The following CRTC3 variants were observed in gnomAD, a reference collection of about 807,000 sequenced individuals.
CRTC3 encodes the protein CREB regulated transcription coactivator 3, also known as CREB-regulated transcription coactivator 3.
A neutral mutation model predicts 74.5 loss-of-function variants in CRTC3; 26 were observed. The observed-to-expected ratio is 0.35, with a 90% confidence interval of 0.26 to 0.48. CRTC3 has a LOEUF of 0.48. Among genes scored for constraint, CRTC3 ranks in the 20% least tolerant of loss-of-function variants. CRTC3 has a pLI of 0.99. For synonymous variants in CRTC3, 377 were observed against 325.8 expected (o/e 1.16, Z -1.69); for missense variants, 760 against 787.3 (o/e 0.97, Z 0.41).
intron 6 of CRTC3, among the ~76,000 whole-genome samples, chr15:90,609,314 C>G (rs1968303520): frequency 6.6e-6 from 1 of 152,158 alleles, no homozygotes; most frequent in Non-Finnish European, 1.5e-5. Context: ...GCACTGCTCA[C>G]TGCTTAGAGG....
intron 2 of CRTC3, among the ~76,000 whole-genome samples, chr15:90,541,843 T>C (rs1231451772): frequency 1.4e-5 from 2 of 141,184 alleles, no homozygotes; most frequent in Non-Finnish European, 3.0e-5. Context: ...AGGAGTGCAG[T>C]AGTGCAATCT....
At chr15:90,630,608 G>A (rs1458133504) in intron 11 of CRTC3, among the ~76,000 whole-genome samples, 1 of 152,104 alleles carries the variant, frequency 6.6e-6, no homozygotes, top group Non-Finnish European at 1.5e-5. Flanking sequence ...GTGAGACCCT[G>A]TCTCAAAAGA....
intron 7 of CRTC3, among the ~76,000 whole-genome samples, chr15:90,616,710 T>C (rs1423586647): frequency 6.6e-6 from 1 of 152,208 alleles, no homozygotes; most frequent in African/African-American, 2.4e-5. Flanking sequence ...TAAAAAGTAT[T>C]TACTTGTTCT....
At chr15:90,580,426 C>CTTT (rs1045691133) in intron 2 of CRTC3, among the ~76,000 whole-genome samples, 2 of 143,018 alleles carry the variant, frequency 1.4e-5, no homozygotes, top group Non-Finnish European at 3.1e-5. Context: ...TCTTCTTCTT[C>CTTT]TTTTTTTTTT....
intron 2 of CRTC3, among the ~76,000 whole-genome samples, chr15:90,567,130 G>A (rs777809497): frequency 1.3e-5 from 2 of 152,072 alleles, no homozygotes; most frequent in Non-Finnish European, 2.9e-5. Flanking sequence ...TAATGCAGCT[G>A]GTGACTTGAA....
chr15:90,637,696 A>G (rs1243002679), intron 11 of CRTC3, among the ~76,000 whole-genome samples: 2 of 152,152 alleles, frequency 1.3e-5, no homozygotes, highest in Non-Finnish European at 2.9e-5. Flanking sequence ...GGTGGGGGCC[A>G]GTGCGCAGAA....
chr15:90,587,274 C>T (rs1359343964), intron 2 of CRTC3, among the ~76,000 whole-genome samples: 1 of 152,184 alleles, frequency 6.6e-6, no homozygotes, highest in Non-Finnish European at 1.5e-5. Flanking sequence ...TGGGGAAGTA[C>T]TCCGGGAGTA....
intron 11 of CRTC3, among the ~76,000 whole-genome samples, chr15:90,632,425 A>G (rs1969072598): frequency 1.3e-5 from 2 of 152,128 alleles, no homozygotes; most frequent in African/African-American, 4.8e-5. Flanking sequence ...GTGACACCCT[A>G]TCTATCTCTT....
Position 90,579,712 on chromosome 15 carries a change from G to C in CRTC3, c.232-13924G>C, listed in dbSNP as rs189733950. Among the ~76,000 whole-genome samples, 27 of 140,200 alleles carry C rather than the reference G, an allele frequency of 1.9e-4. No individual in the cohort carries two copies. In the East Asian group the frequency reaches 5.6e-3, roughly 29 times the overall value. The allele number at this position is 140,200 out of a possible 152,430, so 92.0% of individuals were successfully genotyped here. ...GCTGGAGTGCAATGGCACAATCTTG[G>C]CTCACTGCAACCTCTGCCTCCTGGG... On this transcript the variant is annotated intron_variant, in intron 2 of 14. Transcript: ENST00000268184.
intron 2 of CRTC3, among the ~76,000 whole-genome samples, chr15:90,587,665 G>A (rs1199812119): frequency 6.6e-6 from 1 of 152,164 alleles, no homozygotes; most frequent in Non-Finnish European, 1.5e-5. Flanking sequence ...CCAGTCTGGA[G>A]TGTAGTGGCA....
chr15:90,589,815 A>G (rs1453536384), intron 2 of CRTC3, among the ~76,000 whole-genome samples: 1 of 147,340 alleles, frequency 6.8e-6, no homozygotes, highest in African/African-American at 2.5e-5. Flanking sequence ...GGTGAAACCC[A>G]GTCTCTACTA....
chr15:90,584,826 C>T (rs1336894273), intron 2 of CRTC3, among the ~76,000 whole-genome samples: 1 of 152,128 alleles, frequency 6.6e-6, no homozygotes, highest in East Asian at 1.9e-4. Context: ...GTCTCCTCTC[C>T]TACCCAAGCT....
At chr15:90,621,762 CAGG>C (rs1316067131) in intron 9 of CRTC3, among the ~76,000 whole-genome samples, 4 of 152,290 alleles carry the variant, frequency 2.6e-5, no homozygotes, top group Admixed American at 2.0e-4. Flanking sequence ...AGTTTTAAAG[CAGG>C]TGTTTCTTAG....
intron 2 of CRTC3, among the ~76,000 whole-genome samples, chr15:90,544,429 A>C (rs1416880290): frequency 6.6e-6 from 1 of 152,230 alleles, no homozygotes; most frequent in Non-Finnish European, 1.5e-5. Context: ...GGACTTGAAG[A>C]TATCTCTTTT....
rs914222206 is a variant in CRTC3, at chr15:90,530,499, G to C, written c.132+296G>C. 6.5e-6 allele frequency: 1 copy of C among 152,746 alleles called. No individual in the cohort carries two copies. Among genetic ancestry groups the C allele is most frequent in the Admixed American group, 6.5e-5 (1 of 15,292 alleles). 9.5% of individuals were successfully genotyped at this position (152,746 alleles called of 1,614,324 possible). On this transcript the variant is annotated intron_variant, in intron 1 of 14. Coordinates refer to ENST00000268184, the MANE Select transcript of CRTC3 (RefSeq NM_022769.5). This position sits in a 1 kb window ranked among gnomAD's most constrained non-coding sequence, Gnocchi z 6.2. The stretch of plus-strand genomic sequence containing the variant: ...GGCGGCCGTGCGAGGGCGGCCTGAG[G>C]GGGAGGAGGACGAGGAGCCCCGAGA...
chr15:90,544,351 C>T (rs1255997112), intron 2 of CRTC3, among the ~76,000 whole-genome samples: 1 of 152,198 alleles, frequency 6.6e-6, no homozygotes, highest in East Asian at 1.9e-4. Context: ...ATGATCTCAC[C>T]TTTGCTTGAT....
chr15:90,606,179 C>T (rs2151083530), intron 5 of CRTC3, among the ~76,000 whole-genome samples: 1 of 151,662 alleles, frequency 6.6e-6, no homozygotes, highest in African/African-American at 2.4e-5. Flanking sequence ...TCGCTTGAAC[C>T]CGGGAGGCAG....
intron 13 of CRTC3, among the ~76,000 whole-genome samples, chr15:90,640,796 A>T (rs1315238961): frequency 1.3e-5 from 2 of 151,748 alleles, no homozygotes; most frequent in African/African-American, 4.9e-5. Flanking sequence ...GAGGCTGAGG[A>T]CAGATGTCTG....
At chr15:90,554,536 C>T (rs1225177632) in intron 2 of CRTC3, among the ~76,000 whole-genome samples, 2 of 152,206 alleles carry the variant, frequency 1.3e-5, no homozygotes, top group Admixed American at 6.5e-5. Context: ...TCCTATTGCT[C>T]CTGCTTCCAC....
Sources: gnomAD v4.1 joint callset for allele counts (sites outside exome capture counted in the v4.1 genomes callset) on GRCh38, gnomAD v4.1.1 for gene constraint, Gnocchi (gnomAD v3.1) non-coding constraint, MANE v1.5 for transcripts, NCBI Gene and HGNC (gene_info 2026-07-23, HGNC 2026-07-21) for gene names.